The following INTS6 variants were observed in gnomAD, a reference collection of about 807,000 sequenced individuals.
INTS6 encodes the protein DEAD box protein.
A neutral mutation model predicts 104.9 loss-of-function variants in INTS6; 16 were observed. That is an observed-to-expected ratio of 0.15 (90% CI 0.10 to 0.23). INTS6 has a LOEUF of 0.23. INTS6 is among the 10% of genes least tolerant of loss of function. The pLI is 1.00. For missense variants in INTS6, 584 were observed against 1,062.8 expected, an observed-to-expected ratio of 0.55 and a Z score of 6.26; for synonymous variants, 324 against 358.7, an observed-to-expected ratio of 0.90 and a Z score of 1.09.
intron 3 of INTS6, chr13:51,445,859 G>A (rs1251600337): frequency 1.3e-5 from 2 of 152,146 alleles, no homozygotes; most frequent in African/African-American, 2.4e-5. Context: ...ACATGGTGGT[G>A]GAAAAACTGG....
intron 12 of INTS6, among the ~76,000 whole-genome samples, chr13:51,377,216 T>C (rs563712571): frequency 7.1e-4 from 108 of 152,302 alleles, no homozygotes; most frequent in African/African-American, 2.4e-3. Flanking sequence ...ATTTTGCCCA[T>C]GTTTGTCCTT....
chr13:51,367,168 TATA>T (rs2137854527), intron 17 of INTS6, among the ~76,000 whole-genome samples: 1 of 152,076 alleles, frequency 6.6e-6, no homozygotes, highest in African/African-American at 2.4e-5. Flanking sequence ...CTACATTATT[TATA>T]ATACTAATAC....
intron 4 of INTS6, among the ~76,000 whole-genome samples, chr13:51,428,610 C>T (rs1244623769): frequency 1.3e-5 from 2 of 152,170 alleles, no homozygotes; most frequent in Middle Eastern, 6.8e-3. Flanking sequence ...AGGTGTGAAC[C>T]ACCACGCCCG....
chr13:51,351,982 T>G (rs1955407855), downstream of INTS6, among the ~76,000 whole-genome samples: 1 of 152,164 alleles, frequency 6.6e-6, no homozygotes, highest in Non-Finnish European at 1.5e-5. Context: ...CTTTCAATTC[T>G]ATCCTATAGG....
chr13:51,427,106 T>C (rs577271879), intron 4 of INTS6, among the ~76,000 whole-genome samples: 1 of 152,204 alleles, frequency 6.6e-6, no homozygotes, highest in Non-Finnish European at 1.5e-5. Context: ...AGATATAATA[T>C]ACAATGTTGG....
At chr13:51,397,903 G>A (rs1956370121) in intron 4 of INTS6, among the ~76,000 whole-genome samples, 1 of 151,620 alleles carries the variant, frequency 6.6e-6, no homozygotes, top group Non-Finnish European at 1.5e-5. Context: ...GAAATAAATG[G>A]CCTTTGGCTG....
intron 4 of INTS6, chr13:51,421,184 G>T (rs955598003): frequency 3.0e-6 from 3 of 985,612 alleles, no homozygotes; most frequent in Admixed American, 6.2e-5. Flanking sequence ...CATTAGACAA[G>T]GCTTTTCCCC....
At chr13:51,437,077 G>C (rs1014663994) in intron 3 of INTS6, 1 of 151,604 alleles carries the variant, frequency 6.6e-6, no homozygotes, top group East Asian at 1.9e-4. Context: ...TAATAACTTG[G>C]GAAAATTTTA....
intron 4 of INTS6, among the ~76,000 whole-genome samples, chr13:51,423,554 G>A (rs1419534930): frequency 2.0e-5 from 3 of 152,036 alleles, no homozygotes; most frequent in Non-Finnish European, 4.4e-5. Context: ...ATAGCACACT[G>A]TAAGCAGTAA....
rs1555283815 is a variant in INTS6, at chr13:51,375,733, G to GAAT, written c.1729+314_1729+315insATT. Among the ~76,000 whole-genome samples, 417 of 117,884 alleles carry GAAT rather than the reference G, an allele frequency of 3.5e-3. 3 individuals are homozygous for GAAT. The highest frequency in any genetic ancestry group is 3.4e-3 in the Non-Finnish European group (204 of 59,382). The allele number at this position is 117,884 out of a possible 152,430, so 77.3% of individuals were successfully genotyped here. On this transcript the variant is annotated intron_variant, in intron 13 of 17. Transcript: ENST00000311234. Reference sequence around the variant, plus strand: ...ATTTTAAGTATACAGTTTGATAAGTGGGTGTGTGTGTGTGTGTGTGTGTGT... The same window carrying GAAT: ...ATTTTAAGTATACAGTTTGATAAGTGAATGGTGTGTGTGTGTGTGTGTGTGTGT...
At chr13:51,351,072 C>G (rs1166695111), downstream of INTS6, among the ~76,000 whole-genome samples, 1 of 152,090 alleles carries the variant, frequency 6.6e-6, no homozygotes, top group South Asian at 2.1e-4. Context: ...TGCCTAGACA[C>G]ATTTTGGCTT....
chr13:51,341,224 A>C, the INTS6 span: 2 of 1,614,008 alleles, frequency 1.2e-6, no homozygotes, highest in South Asian at 2.2e-5. Flanking sequence ...GGCCGCGTGT[A>C]GAAATGAGAC....
chr13:51,406,481 C>A (rs888523339), intron 4 of INTS6, among the ~76,000 whole-genome samples: 1 of 152,156 alleles, frequency 6.6e-6, no homozygotes, highest in African/African-American at 2.4e-5. Flanking sequence ...TCTTACACCC[C>A]CAACTGCATT....
downstream of INTS6, among the ~76,000 whole-genome samples, chr13:51,350,375 G>T (rs1955392749): frequency 6.6e-6 from 1 of 152,098 alleles, no homozygotes; most frequent in African/African-American, 2.4e-5. Context: ...TGTGTTAAGG[G>T]TTGTTTATAA....
chr13:51,335,796 A>G, the INTS6 span: 1 of 152,238 alleles, frequency 6.6e-6, no homozygotes, highest in Non-Finnish European at 1.5e-5. Flanking sequence ...ATAGCACCAC[A>G]CAGCTACATC....
chr13:51,410,507 CAT>C (rs1950597839), intron 4 of INTS6, among the ~76,000 whole-genome samples: 1 of 152,058 alleles, frequency 6.6e-6, no homozygotes, highest in Admixed American at 6.6e-5. Flanking sequence ...ATTAATTATC[CAT>C]ATGTCAAAAA....
intron 15 of INTS6, 56 bp from the exon 16 acceptor site, chr13:51,369,366 A>AGT (rs1566204729): frequency 6.7e-7 from 1 of 1,497,440 alleles, no homozygotes; most frequent in East Asian, 2.3e-5. Context: ...AGCATACAGT[A>AGT]AATAAAGCTA....
In INTS6 at chr13:51,378,443, T is replaced by C. The variant is rs1423362544; in HGVS notation, c.1398A>G (p.Glu466=). 5 of 1,612,286 alleles carry C rather than the reference T, an allele frequency of 3.1e-6. No individual in the cohort carries two copies. The South Asian group carries it at 5.5e-5, about 18-fold the overall frequency. ...LKKLSQQAKI[E]SDRVIGSVGK... is the part of the protein sequence containing the mutation. The stretch of plus-strand genomic sequence containing the variant: ...CTACAGATCCAATGACTCGATCAGA[T>C]TCTATTTTGGCCTAAAGTAAAAATA... Residue 466 remains glutamate (E), a synonymous_variant, in exon 12 of 18, where the codon GAA becomes GAG. Transcript: ENST00000311234.
chr13:51,394,781 A>G (rs997556308), intron 5 of INTS6, among the ~76,000 whole-genome samples: 3 of 152,172 alleles, frequency 2.0e-5, no homozygotes, highest in African/African-American at 7.2e-5. Flanking sequence ...TTGATTACAT[A>G]TTGTATTTCA....
Sources: gnomAD v4.1 joint callset for allele counts (sites outside exome capture counted in the v4.1 genomes callset) on GRCh38, gnomAD v4.1.1 for gene constraint, MANE v1.5 for transcripts, NCBI Gene and HGNC (gene_info 2026-07-23, HGNC 2026-07-21) for gene names.